The following GRM7 variants were observed in gnomAD, a reference collection of about 807,000 sequenced individuals.
The protein encoded by GRM7 is metabotropic glutamate receptor 7.
GRM7 carries 35 observed loss-of-function variants against 84.5 expected under a neutral mutation model. The observed-to-expected ratio is 0.41, with a 90% CI of 0.32 to 0.55. The LOEUF (loss-of-function observed/expected upper bound fraction) is 0.55. Ranked by LOEUF, GRM7 falls within the 20% of genes least tolerant of loss-of-function variation. GRM7 has a pLI of 0.19. For missense variants in GRM7, 1,003 were observed against 1,194.6 expected (o/e 0.84, Z 2.36); for synonymous variants, 487 against 455.1 (o/e 1.07, Z -0.89).
intron 7 of GRM7, among the ~76,000 whole-genome samples, chr3:7,574,438 G>A (rs1473115063): frequency 1.3e-5 from 2 of 152,166 alleles, no homozygotes; most frequent in African/African-American, 2.4e-5. Context: ...GATTACAGGC[G>A]TGAGCCACTG....
At chr3:7,667,689 A>G (rs1699757600) in intron 8 of GRM7, among the ~76,000 whole-genome samples, 1 of 152,122 alleles carries the variant, frequency 6.6e-6, no homozygotes, top group Non-Finnish European at 1.5e-5. Context: ...AAAGACAGCA[A>G]TTTACTCACA....
chr3:7,679,902 A>G lies in GRM7; in HGVS notation c.2452-147A>G, dbSNP rs1700294644. 5.9e-6 allele frequency: 4 copies of G among 674,930 alleles called. No homozygotes were observed. In the South Asian group the frequency reaches 7.5e-5, roughly 13 times the overall value. 41.8% of individuals were successfully genotyped at this position (674,930 alleles called of 1,614,324 possible). ...CATATGCTCTCCAATAACTGTGCAG[A>G]GTTATTGTGCTTTCCTTTATTTATC... On this transcript the variant is annotated intron_variant, in intron 8 of 9. Coordinates refer to ENST00000357716, the MANE Select transcript of GRM7 (RefSeq NM_000844.4).
At chr3:7,359,136 G>T in intron 4 of GRM7, among the ~76,000 whole-genome samples, 1 of 122,028 alleles carries the variant, frequency 8.2e-6, no homozygotes. Context: ...AAGAAAAAAA[G>T]AAAGGAATTG....
Position 7,521,447 on chromosome 3 carries a change from G to A in GRM7, c.1516-56975G>A, listed in dbSNP as rs546649741. On this transcript the variant is annotated intron_variant, in intron 7 of 9. Transcript: ENST00000357716. ...TGATTAGTGCCCTTAGAAAAGAGAT[G>A]CAAGGAAGATCCCTTGCCCCTTCCA... Among the ~76,000 whole-genome samples the A allele has an allele frequency of 4.6e-5, 7 of 152,292 alleles. No individual in the cohort carries two copies. The South Asian group carries it at 1.5e-3, about 32-fold the overall frequency.
intron 7 of GRM7, among the ~76,000 whole-genome samples, chr3:7,538,998 A>G (rs1171178975): frequency 6.6e-6 from 1 of 152,174 alleles, no homozygotes; most frequent in Admixed American, 6.5e-5. Flanking sequence ...GCAGCCCCAC[A>G]CCAAAATTAA....
chr3:7,501,832 A>G (rs1699893637), intron 7 of GRM7, among the ~76,000 whole-genome samples: 2 of 152,208 alleles, frequency 1.3e-5, no homozygotes, highest in African/African-American at 4.8e-5. Context: ...ACAATTGGAA[A>G]CAGTTTGGAA....
At chr3:7,409,337 A>T (rs2125170730) in intron 4 of GRM7, among the ~76,000 whole-genome samples, 1 of 152,226 alleles carries the variant, frequency 6.6e-6, no homozygotes, top group East Asian at 1.9e-4. Flanking sequence ...CTTGAACGGA[A>T]TTGACATAAG....
At chr3:7,123,321 CT>C (rs1333703234) in intron 1 of GRM7, among the ~76,000 whole-genome samples, 1 of 152,116 alleles carries the variant, frequency 6.6e-6, no homozygotes, top group African/African-American at 2.4e-5. Context: ...TCTGTGCACT[CT>C]TTTTAAGAAA....
intron 1 of GRM7, among the ~76,000 whole-genome samples, chr3:7,074,457 G>T (rs1347620818): frequency 6.6e-6 from 1 of 152,112 alleles, no homozygotes; most frequent in Non-Finnish European, 1.5e-5. Flanking sequence ...TTAAAGTGTG[G>T]TCCATGAATT....
At chr3:7,579,453 T>A in intron 8 of GRM7, 96 bp downstream of exon 8, 1 of 695,090 alleles carries the variant, frequency 1.4e-6, no homozygotes, top group Non-Finnish European at 2.4e-6. Context: ...AGAAGTTTCG[T>A]ATATGCAGAA....
chr3:7,453,199 TTCTGTGA>T (rs1169583579), intron 6 of GRM7, among the ~76,000 whole-genome samples: 4 of 152,082 alleles, frequency 2.6e-5, no homozygotes, highest in Admixed American at 6.6e-5. Flanking sequence ...CACAGAAGAC[TTCTGTGA>T]CCAAATGTCA....
intron 8 of GRM7, among the ~76,000 whole-genome samples, chr3:7,585,339 G>A (rs1039565401): frequency 1.4e-4 from 22 of 152,270 alleles, no homozygotes; most frequent in South Asian, 4.1e-4. Flanking sequence ...TTAGCTAGTC[G>A]CTTGGGATGG....
chr3:7,080,080 C>T (rs1173573740), intron 1 of GRM7, among the ~76,000 whole-genome samples: 4 of 152,092 alleles, frequency 2.6e-5, no homozygotes, highest in Non-Finnish European at 5.9e-5. Flanking sequence ...CTTATGCTTC[C>T]CCATTAGCAT....
chr3:7,510,305 A>T (rs1033402604), intron 7 of GRM7, among the ~76,000 whole-genome samples: 2 of 152,174 alleles, frequency 1.3e-5, no homozygotes, highest in Non-Finnish European at 2.9e-5. Context: ...GTATAGCCAC[A>T]GATGATTGTT....
At chr3:6,919,663 A>G (rs1042566558) in intron 1 of GRM7, among the ~76,000 whole-genome samples, 1 of 151,904 alleles carries the variant, frequency 6.6e-6, no homozygotes, top group Non-Finnish European at 1.5e-5. Flanking sequence ...TTTGATTTCA[A>G]ATATAAGATC....
intron 2 of GRM7, among the ~76,000 whole-genome samples, chr3:7,168,427 A>G (rs961174509): frequency 1.9e-4 from 29 of 152,132 alleles, no homozygotes; most frequent in African/African-American, 6.5e-4. Flanking sequence ...TCCTGATGAC[A>G]TGAATGGCCT....
intron 1 of GRM7, among the ~76,000 whole-genome samples, chr3:7,132,819 T>C (rs984917749): frequency 1.2e-4 from 19 of 152,222 alleles, no homozygotes; most frequent in Admixed American, 2.0e-4. Context: ...CCATGTTCCA[T>C]AGCATTTCTG....
chr3:7,286,453 A>G (rs1699434486), intron 2 of GRM7, among the ~76,000 whole-genome samples: 1 of 152,172 alleles, frequency 6.6e-6, no homozygotes, highest in Non-Finnish European at 1.5e-5. Flanking sequence ...ATCAGGAGCA[A>G]ATGATTTGCG....
intron 1 of GRM7, among the ~76,000 whole-genome samples, chr3:7,111,097 G>A (rs1005494628): frequency 6.6e-6 from 1 of 152,104 alleles, no homozygotes; most frequent in Non-Finnish European, 1.5e-5. Context: ...TCAATAACAG[G>A]TGTCAGAGTT....
Sources: allele counts gnomAD v4.1 joint callset (sites outside exome capture counted in the v4.1 genomes callset), GRCh38; gene constraint gnomAD v4.1.1; transcripts MANE v1.5; gene names NCBI Gene and HGNC (gene_info 2026-07-23, HGNC 2026-07-21).